The following ZNF26 variants were observed in gnomAD, a reference collection of about 807,000 sequenced individuals.
ZNF26 encodes the protein epididymis luminal protein 179.
ZNF26 carries 32 observed loss-of-function variants against 54.9 expected under a neutral mutation model. The ratio of observed to expected loss-of-function variants is 0.58; its 90% CI spans 0.44 to 0.78. The LOEUF is 0.78. ZNF26 is among the 30% of genes least tolerant of loss of function. The probability of loss-of-function intolerance (pLI) is 0.00; values close to 1 mark genes in which losing one functional copy is unlikely to be tolerated. For missense variants in ZNF26, 524 were observed against 634.0 expected, an observed-to-expected ratio of 0.83 and a Z score of 1.86; for synonymous variants, 221 against 209.2, an observed-to-expected ratio of 1.06 and a Z score of -0.49.
chr12:132,991,725 A>G (rs1952963807), intron 1 of ZNF26, among the ~76,000 whole-genome samples: 2 of 152,080 alleles, frequency 1.3e-5, no homozygotes, highest in Non-Finnish European at 2.9e-5. Context: ...TGAGCCCAGG[A>G]GTTCGAGGCT....
intron 1 of ZNF26, among the ~76,000 whole-genome samples, chr12:132,989,576 C>T (rs935518510): frequency 5.3e-5 from 8 of 152,160 alleles, no homozygotes; most frequent in Non-Finnish European, 7.3e-5. Context: ...ATACTTTATA[C>T]GTACAGCCTG....
At chr12:132,991,777 G>A (rs1001629782) in intron 1 of ZNF26, among the ~76,000 whole-genome samples, 11 of 151,936 alleles carry the variant, frequency 7.2e-5, no homozygotes, top group East Asian at 5.8e-4. Flanking sequence ...GAGCGAGACC[G>A]TCTCAAAAAA....
chr12:133,021,142 G>A lies in ZNF26; in HGVS notation c.*9661G>A, dbSNP rs781102801. ...CATTTTTTTTTTTTTTTTTTGAGAC[G>A]GAATCTCACTCTGTCACCAAGGTTG... On this transcript the variant is annotated 3_prime_UTR_variant, in exon 4 of 4. Coordinates refer to ENST00000328654, the MANE Select transcript of ZNF26 (RefSeq NM_019591.4). 4.1e-5 allele frequency: 5 copies of A among 122,012 alleles called. No individual in the cohort carries two copies. The highest frequency in any genetic ancestry group is 9.5e-5 in the African/African-American group (3 of 31,422). 7.6% of individuals were successfully genotyped at this position (122,012 alleles called of 1,614,324 possible).
chr12:133,000,105 A>G (rs1953177807), intron 1 of ZNF26, among the ~76,000 whole-genome samples: 1 of 152,124 alleles, frequency 6.6e-6, no homozygotes, highest in Admixed American at 6.6e-5. Flanking sequence ...AGAACTGTTT[A>G]TCATAATCTC....
intron 1 of ZNF26, among the ~76,000 whole-genome samples, chr12:133,004,223 A>G (rs2137245128): frequency 1.3e-5 from 2 of 152,264 alleles, no homozygotes; most frequent in Admixed American, 1.3e-4. Context: ...TAAGTTGTTC[A>G]CAGGCACACT....
In ZNF26 at chr12:133,020,918, A is replaced by G. The variant is rs1258836377; in HGVS notation, c.*9437A>G. The G allele has an allele frequency of 6.6e-6, 1 of 151,844 alleles. No homozygotes were observed. The highest frequency in any genetic ancestry group is 1.5e-5 in the Non-Finnish European group (1 of 67,934). 9.4% of individuals were successfully genotyped at this position (151,844 alleles called of 1,614,324 possible). A position where few individuals can be genotyped will look rare whatever the true frequency, so the allele number is the denominator to read the frequency against. On this transcript the variant is annotated 3_prime_UTR_variant, in exon 4 of 4. Coordinates refer to ENST00000328654, the MANE Select transcript of ZNF26 (RefSeq NM_019591.4). ...CCCTTTTTATAGGGACATCAGTCAT[A>G]TTGACTCCTAAGTCCTCATTTTAAC... is the stretch of plus-strand genomic sequence containing the variant.
intron 1 of ZNF26, among the ~76,000 whole-genome samples, 167 bp downstream of exon 1, chr12:132,987,040 A>G (rs1952836963): frequency 2.0e-5 from 3 of 152,124 alleles, no homozygotes; most frequent in African/African-American, 7.2e-5. Context: ...AGCTCGCCCA[A>G]GCTCTGGCCC....
rs1432759589 is a variant in ZNF26, at chr12:132,986,454, C to G, written c.-387C>G. ...GAATCTGGCCAGCGGGTGTACCTGG[C>G]TGAGTCTCTGTGGCCGCGGAGGCGC... On this transcript the variant is annotated 5_prime_UTR_variant, in exon 1 of 4. Transcript: ENST00000328654. The G allele has an allele frequency of 4.2e-6, 1 of 236,694 alleles. No homozygotes were observed. The highest frequency in any genetic ancestry group is 8.3e-6 in the Non-Finnish European group (1 of 119,776). 14.7% of individuals were successfully genotyped at this position (236,694 alleles called of 1,614,324 possible).
In ZNF26 at chr12:133,022,744, A is replaced by G. The variant is rs1953660245; in HGVS notation, c.*11263A>G. ...TGCAACTATGAAATAAACTGAATAA[A>G]TTGAACAAGCTTGAACAAATTGAAT... On this transcript the variant is annotated 3_prime_UTR_variant, in exon 4 of 4. Coordinates refer to ENST00000328654, the MANE Select transcript of ZNF26 (RefSeq NM_019591.4). The G allele has an allele frequency of 6.6e-6, 1 of 152,234 alleles. No individual in the cohort carries two copies. The highest frequency in any genetic ancestry group is 6.5e-5 in the Admixed American group (1 of 15,276). 9.4% of individuals were successfully genotyped at this position (152,234 alleles called of 1,614,324 possible).
Position 133,015,990 on chromosome 12 carries a change from G to C in ZNF26, c.*4509G>C, listed in dbSNP as rs965403187. ...ATATCTTCATTTGTCTTGGGGGTAA[G>C]TGTTGAGAGAAGGAAGTGGCTTTTG... On this transcript the variant is annotated 3_prime_UTR_variant, in exon 4 of 4. Coordinates refer to ENST00000328654, the MANE Select transcript of ZNF26 (RefSeq NM_019591.4). The C allele has an allele frequency of 6.6e-6, 1 of 151,960 alleles. No individual in the cohort carries two copies. The highest frequency in any genetic ancestry group is 1.5e-5 in the Non-Finnish European group (1 of 68,014). 9.4% of individuals were successfully genotyped at this position (151,960 alleles called of 1,614,324 possible).
chr12:132,990,632 T>C (rs1272745291), intron 1 of ZNF26, among the ~76,000 whole-genome samples: 1 of 152,204 alleles, frequency 6.6e-6, no homozygotes, highest in Admixed American at 6.5e-5. Context: ...TGTGATTTTT[T>C]TCCTTAAATG....
intron 1 of ZNF26, 118 bp from the exon 2 acceptor site, chr12:133,006,924 G>GAACC: frequency 7.7e-7 from 1 of 1,290,842 alleles, no homozygotes; most frequent in Non-Finnish European, 1.1e-6. Flanking sequence ...AGTAAATGCT[G>GAACC]AACCAGCCAC....
At chr12:133,009,021 A>G (rs1449141123) in intron 3 of ZNF26, among the ~76,000 whole-genome samples, 1 of 152,088 alleles carries the variant, frequency 6.6e-6, no homozygotes, top group African/African-American at 2.4e-5. Context: ...ACAAGAACTC[A>G]CTATCGTGAA....
At position 133,027,071 on chromosome 12, in the gene ZNF26, C is replaced by T. The variant is rs1953714749; in HGVS notation, c.*15590C>T. ...CAAACATACTTCAAGCAGAACCTTA[C>T]GAACAGTATAATTAAAATGAGGAAC... On this transcript the variant is annotated 3_prime_UTR_variant, in exon 4 of 4. Transcript: ENST00000328654. 1 of 152,012 alleles carries T rather than the reference C, an allele frequency of 6.6e-6. No individual in the cohort carries two copies. The highest frequency in any genetic ancestry group is 2.4e-5 in the African/African-American group (1 of 41,370). 9.4% of individuals were successfully genotyped at this position (152,012 alleles called of 1,614,324 possible). A position where few individuals can be genotyped will look rare whatever the true frequency, so the allele number is the denominator to read the frequency against.
chr12:132,992,752 T>A (rs967138789), intron 1 of ZNF26, among the ~76,000 whole-genome samples: 6 of 152,186 alleles, frequency 3.9e-5, no homozygotes, highest in Non-Finnish European at 8.8e-5. Context: ...AAATACTAAG[T>A]CAAACCACTG....
intron 1 of ZNF26, among the ~76,000 whole-genome samples, chr12:132,989,028 A>ATTTTTTTTTTTTTTTTTTTTTTTTTTTTT (rs150395603): frequency 1.3e-5 from 1 of 78,826 alleles, no homozygotes. Flanking sequence ...CTTTCGGTGA[A>ATTTTTTTTTTTTTTTTTTTTTTTTTTTTT]TTTTTTTTTT....
chr12:133,019,354 A>G lies in ZNF26; in HGVS notation c.*7873A>G, dbSNP rs947500907. ...CAACTCTATAGCAAAAACAAAGAAA[A>G]ATAACAAAAAAAAAACCCCAAACTC... On this transcript the variant is annotated 3_prime_UTR_variant, in exon 4 of 4. Transcript: ENST00000328654. 3.9e-5 allele frequency: 1 copy of G among 25,394 alleles called. No homozygotes were observed. Among genetic ancestry groups the G allele is most frequent in the African/African-American group, 7.7e-5 (1 of 12,906 alleles). 1.6% of individuals were successfully genotyped at this position (25,394 alleles called of 1,614,324 possible). A position where few individuals can be genotyped will look rare whatever the true frequency, so the allele number is the denominator to read the frequency against.
chr12:133,025,546 C>G lies in ZNF26; in HGVS notation c.*14065C>G, dbSNP rs1338489131. ...AACAGTATCTCCTATCACACATTCT[C>G]TTCCACAGTGTGCCTGCTATATATT... On this transcript the variant is annotated 3_prime_UTR_variant, in exon 4 of 4. Coordinates refer to ENST00000328654, the MANE Select transcript of ZNF26 (RefSeq NM_019591.4). The G allele has an allele frequency of 6.6e-6, 1 of 152,254 alleles. No homozygotes were observed. Among genetic ancestry groups the G allele is most frequent in the Admixed American group, 6.5e-5 (1 of 15,288 alleles). 9.4% of individuals were successfully genotyped at this position (152,254 alleles called of 1,614,324 possible).
intron 1 of ZNF26, among the ~76,000 whole-genome samples, chr12:133,000,549 C>G (rs907059969): frequency 6.6e-6 from 1 of 151,750 alleles, no homozygotes; most frequent in Non-Finnish European, 1.5e-5. Flanking sequence ...CTCAGCCTCC[C>G]GAGTAGCTGG....
Sources: gnomAD v4.1 joint callset for allele counts (sites outside exome capture counted in the v4.1 genomes callset) on GRCh38, gnomAD v4.1.1 for gene constraint, MANE v1.5 for transcripts, NCBI Gene and HGNC (gene_info 2026-07-23, HGNC 2026-07-21) for gene names.